RABEP1: variants seen among roughly 807,000 people sequenced by gnomAD.
RABEP1 encodes rabaptin, RAB GTPase binding effector protein 1.
A neutral mutation model predicts 123.4 loss-of-function variants in RABEP1; 51 were observed. That is an observed-to-expected ratio of 0.41 (90% confidence interval 0.33 to 0.52). The LOEUF (loss-of-function observed/expected upper bound fraction) is 0.52. RABEP1 is among the 20% of genes least tolerant of loss of function. The pLI is 0.16. For missense variants in RABEP1, 888 were observed against 996.3 expected, an observed-to-expected ratio of 0.89 and a Z score of 1.46; for synonymous variants, 347 against 355.2, an observed-to-expected ratio of 0.98 and a Z score of 0.26.
At chr17:5,378,312 A>T (rs1911169172) in intron 15 of RABEP1, 80 bp downstream of exon 15, 1 of 1,347,990 alleles carries the variant, frequency 7.4e-7, no homozygotes, top group Non-Finnish European at 1.1e-6. Context: ...CCCAACGAAT[A>T]AAAAATAGTT....
At position 5,361,471 on chromosome 17, in the gene RABEP1, T is replaced by C. The variant is rs1168799346; in HGVS notation, c.1359T>C (p.Asp453=). Residue 453 remains aspartate, a synonymous_variant, in exon 9 of 18, where the codon GAT becomes GAC. Coordinates refer to ENST00000537505, the MANE Select transcript of RABEP1 (RefSeq NM_004703.6). ...CAGATTCAGTGTCTGAGAACTTTGA[T>C]ACTGCATCCCTTGGGTCACTCCAGA... ...VGADSVSENF[D]TASLGSLQMP... is the part of the protein sequence containing the mutation. 20 of 1,614,214 alleles carry C rather than the reference T, an allele frequency of 1.2e-5. No homozygotes were observed. Among genetic ancestry groups the C allele is most frequent in the Middle Eastern group, 1.6e-4 (1 of 6,062 alleles).
At chr17:5,346,663 GTTAA>G in intron 5 of RABEP1, 123 bp from the exon 6 acceptor site, 3 of 479,530 alleles carry the variant, frequency 6.3e-6, no homozygotes, top group South Asian at 1.8e-4. Flanking sequence ...AATTATAAAT[GTTAA>G]TTTATGTAGA....
At chr17:5,298,076 C>A (rs1159754653) in intron 1 of RABEP1, among the ~76,000 whole-genome samples, 1 of 152,184 alleles carries the variant, frequency 6.6e-6, no homozygotes, top group Non-Finnish European at 1.5e-5. Flanking sequence ...ATTCTGTTCC[C>A]TCTCTGTGTA....
chr17:5,342,603 C>T (rs1907711966), intron 5 of RABEP1, among the ~76,000 whole-genome samples: 1 of 152,170 alleles, frequency 6.6e-6, no homozygotes, highest in African/African-American at 2.4e-5. Flanking sequence ...GAGACTCTGT[C>T]TCACACACAC....
chr17:5,307,963 T>G (rs181252250), intron 1 of RABEP1, among the ~76,000 whole-genome samples: 2 of 152,320 alleles, frequency 1.3e-5, no homozygotes, highest in Admixed American at 1.3e-4. Flanking sequence ...ATGGCTACAC[T>G]AGTTAGGGAA....
rs1235841634 is a variant in RABEP1, at chr17:5,383,802, T to C, written c.*579T>C. The C allele has an allele frequency of 8.9e-6, 2 of 224,546 alleles. No homozygotes were observed. The highest frequency in any genetic ancestry group is 4.5e-5 in the African/African-American group (2 of 44,818). 13.9% of individuals were successfully genotyped at this position (224,546 alleles called of 1,614,324 possible). A position where few individuals can be genotyped will look rare whatever the true frequency, so the allele number is the denominator to read the frequency against. Reference sequence around the variant, plus strand: ...GGAGGACCTTAAATGCTACTGAAACTTACCTGAGAACCATAGGACTGTGGC... The same window carrying C: ...GGAGGACCTTAAATGCTACTGAAACCTACCTGAGAACCATAGGACTGTGGC... On this transcript the variant is annotated 3_prime_UTR_variant, in exon 18 of 18. Transcript: ENST00000537505.
chr17:5,316,988 T>C (rs1475124551), intron 2 of RABEP1, among the ~76,000 whole-genome samples: 1 of 152,064 alleles, frequency 6.6e-6, no homozygotes, highest in Non-Finnish European at 1.5e-5. Context: ...GACTGCAACC[T>C]CTGCTTCCCA....
intron 2 of RABEP1, among the ~76,000 whole-genome samples, chr17:5,324,525 A>T (rs1156446268): frequency 1.3e-5 from 2 of 152,228 alleles, no homozygotes; most frequent in Non-Finnish European, 2.9e-5. Flanking sequence ...CTGAGCAAAG[A>T]TTTGTGTGTG....
chr17:5,290,205 A>G (rs1291610650), intron 1 of RABEP1, among the ~76,000 whole-genome samples: 3 of 152,190 alleles, frequency 2.0e-5, no homozygotes, highest in Non-Finnish European at 4.4e-5. Flanking sequence ...CTCCTGCCTC[A>G]GCCTCCCAAG....
chr17:5,378,079 A>C (rs893108388), intron 14 of RABEP1, 98 bp from the exon 15 acceptor site: 2 of 885,916 alleles, frequency 2.3e-6, no homozygotes, highest in African/African-American at 3.4e-5. Flanking sequence ...TTCAGCATAC[A>C]TTTGAATCCT....
intron 5 of RABEP1, among the ~76,000 whole-genome samples, chr17:5,342,136 A>G (rs1237539947): frequency 1.3e-5 from 2 of 152,224 alleles, no homozygotes; most frequent in Non-Finnish European, 2.9e-5. Flanking sequence ...CAACATACTA[A>G]GATAATTGTT....
intron 3 of RABEP1, among the ~76,000 whole-genome samples, chr17:5,334,289 T>A (rs191611931): frequency 6.6e-6 from 1 of 151,924 alleles, no homozygotes; most frequent in African/African-American, 2.4e-5. Context: ...TGGAGTGCGG[T>A]GGCATGATCT....
intron 2 of RABEP1, among the ~76,000 whole-genome samples, chr17:5,325,760 G>A (rs561752766): frequency 9.3e-5 from 14 of 150,982 alleles, no homozygotes; most frequent in Non-Finnish European, 1.5e-4. Context: ...ATAGATACCC[G>A]AACTACACCC....
chr17:5,383,053 C>A, intron 17 of RABEP1, 69 bp from the exon 18 acceptor site: 2 of 1,281,142 alleles, frequency 1.6e-6, no homozygotes, highest in South Asian at 1.2e-5. Context: ...TACATCTCAG[C>A]TAAACCAGTC....
chr17:5,367,092 A>C (rs566401728), intron 11 of RABEP1, among the ~76,000 whole-genome samples: 141 of 140,134 alleles, frequency 1.0e-3, no homozygotes, highest in Non-Finnish European at 1.0e-3. Context: ...TCCGTCTGAA[A>C]GAAAAAAAAA....
chr17:5,337,536 A>T (rs1015390739), intron 4 of RABEP1, among the ~76,000 whole-genome samples: 16 of 151,996 alleles, frequency 1.1e-4, no homozygotes, highest in Admixed American at 2.6e-4. Context: ...ATAATAATAA[A>T]AAAAAAATTA....
At chr17:5,364,710 CAAAAA>C in intron 10 of RABEP1, among the ~76,000 whole-genome samples, 1 of 112,616 alleles carries the variant, frequency 8.9e-6, no homozygotes. Flanking sequence ...ACTCTTGTCT[CAAAAA>C]AAAAAAAAAA....
At chr17:5,329,832 TATATATATATATAAC>T (rs1246972561) in intron 2 of RABEP1, among the ~76,000 whole-genome samples, 1 of 52,266 alleles carries the variant, frequency 1.9e-5, no homozygotes, top group Non-Finnish European at 3.5e-5. Flanking sequence ...TATATATATA[TATATATATATATAAC>T]TAAAGTTACT....
intron 1 of RABEP1, among the ~76,000 whole-genome samples, chr17:5,296,487 C>G (rs927221495): frequency 6.6e-6 from 1 of 152,234 alleles, no homozygotes; most frequent in Non-Finnish European, 1.5e-5. Context: ...TCTCAAACTC[C>G]CAACCTCAGG....
Sources: allele counts gnomAD v4.1 joint callset (sites outside exome capture counted in the v4.1 genomes callset), GRCh38; gene constraint gnomAD v4.1.1; transcripts MANE v1.5; gene names NCBI Gene and HGNC (gene_info 2026-07-23, HGNC 2026-07-21).